The following EIF3A variants were observed in gnomAD, a reference collection of about 807,000 sequenced individuals.
The protein encoded by EIF3A is eukaryotic translation initiation factor 3 subunit A.
Under a neutral mutation model 186.6 loss-of-function variants are expected in EIF3A, and 21 were observed. The observed-to-expected ratio is 0.11, with a 90% CI of 0.08 to 0.16. The LOEUF is 0.16. Ranked by LOEUF, EIF3A falls within the 10% of genes least tolerant of loss-of-function variation. The probability of loss-of-function intolerance (pLI) is 1.00; values close to 1 mark genes in which losing one functional copy is unlikely to be tolerated. For missense variants in EIF3A, 1,306 were observed against 1,796.3 expected (o/e 0.73, Z 4.93); for synonymous variants, 563 against 584.3 (o/e 0.96, Z 0.52).
chr10:119,066,499 G>A (rs1179313046), intron 6 of EIF3A, among the ~76,000 whole-genome samples: 4 of 64,616 alleles, frequency 6.2e-5, no homozygotes, highest in African/African-American at 2.9e-4. Flanking sequence ...GCAGAGTTAA[G>A]ACTGTCAAAA....
In EIF3A at chr10:119,044,101, T is replaced by C; in HGVS notation, c.2700A>G (p.Arg900=). ...ACTCAGAATCTGCTTCAGGTCCTTT[T>C]CTCCAGGTGCCTTCTGAATCTCTAT... ...WGDRDSEGTW[R]KGPEADSEWR... is the part of the protein sequence containing the mutation. The change falls in exon 18 of 22, where the codon AGA becomes AGG. Residue 900 remains arginine, a synonymous_variant. Transcript: ENST00000369144. The C allele has an allele frequency of 6.2e-7, 1 of 1,614,130 alleles. No homozygotes were observed. The highest frequency in any genetic ancestry group is 8.5e-7 in the Non-Finnish European group (1 of 1,179,972).
Position 119,042,007 on chromosome 10 carries a change from T to A in EIF3A, c.3513A>T (p.Pro1171=). ...GDDSRPGPWR[P]LVKPGGWREK... is the part of the protein sequence containing the mutation. Reference sequence around the variant, plus strand: ...ATAGAATTTTACCTGGCTTGACTAATGGTCTCCAAGGACCAGGTCTTGAGT... The same window carrying A: ...ATAGAATTTTACCTGGCTTGACTAAAGGTCTCCAAGGACCAGGTCTTGAGT... Residue 1171 remains proline, a synonymous_variant, in exon 19 of 22, where the codon CCA becomes CCT. Coordinates refer to ENST00000369144, the MANE Select transcript of EIF3A (RefSeq NM_003750.4). This position sits in a 1 kb window ranked among gnomAD's most constrained non-coding sequence, Gnocchi z 7.8. 6.2e-7 allele frequency: 1 copy of A among 1,614,114 alleles called. No individual in the cohort carries two copies. Among genetic ancestry groups the A allele is most frequent in the Non-Finnish European group, 8.5e-7 (1 of 1,179,972 alleles).
chr10:119,059,420 G>A (rs750362752), intron 10 of EIF3A, 23 bp from the exon 11 acceptor site: 15 of 1,506,616 alleles, frequency 1.0e-5, no homozygotes, highest in South Asian at 8.9e-5. Context: ...AATTATCAAT[G>A]GTTAAATCCA....
chr10:119,052,374 G>GTGTGTA (rs1465862491), intron 14 of EIF3A, among the ~76,000 whole-genome samples: 2 of 147,772 alleles, frequency 1.4e-5, no homozygotes, highest in African/African-American at 5.0e-5. Context: ...GGTTTTGTGT[G>GTGTGTA]TGTGTGTGTG....
chr10:119,074,442 G>A (rs913841880), intron 1 of EIF3A, among the ~76,000 whole-genome samples: 5 of 150,182 alleles, frequency 3.3e-5, no homozygotes, highest in South Asian at 4.2e-4. Flanking sequence ...TCCAGCCTGG[G>A]TGACAAGAGC....
chr10:119,054,666 G>A (rs1299838642), intron 14 of EIF3A, among the ~76,000 whole-genome samples: 1 of 151,330 alleles, frequency 6.6e-6, no homozygotes, highest in Non-Finnish European at 1.5e-5. Context: ...GGCGGAGGCT[G>A]CAGTGGGCTG....
intron 7 of EIF3A, among the ~76,000 whole-genome samples, chr10:119,062,109 A>C (rs1468107146): frequency 6.6e-6 from 1 of 152,116 alleles, no homozygotes; most frequent in African/African-American, 2.4e-5. Flanking sequence ...ACATTCTAAC[A>C]CTTCCTCCTT....
chr10:119,068,630 C>G (rs1466857884), intron 6 of EIF3A, among the ~76,000 whole-genome samples: 1 of 151,886 alleles, frequency 6.6e-6, no homozygotes, highest in Non-Finnish European at 1.5e-5. Flanking sequence ...CATCATTGCA[C>G]TCCAGCCTGG....
intron 6 of EIF3A, among the ~76,000 whole-genome samples, chr10:119,067,062 A>G (rs1328960944): frequency 6.6e-6 from 1 of 152,018 alleles, no homozygotes; most frequent in Non-Finnish European, 1.5e-5. Flanking sequence ...AAAATACAAA[A>G]AAAATTAGCC....
intron 1 of EIF3A, among the ~76,000 whole-genome samples, chr10:119,077,846 C>T (rs977456255): frequency 1.8e-4 from 28 of 152,158 alleles, no homozygotes; most frequent in Non-Finnish European, 2.9e-4. Context: ...AGCCACCACG[C>T]CCGGCCTCCT....
At chr10:119,055,525 G>A (rs1848413583) in intron 14 of EIF3A, among the ~76,000 whole-genome samples, 1 of 152,030 alleles carries the variant, frequency 6.6e-6, no homozygotes, top group Non-Finnish European at 1.5e-5. Context: ...CTCAATGCAA[G>A]GTTACCACAA....
At chr10:119,080,559 C>A in intron 1 of EIF3A, 69 bp downstream of exon 1, 1 of 1,514,612 alleles carries the variant, frequency 6.6e-7, no homozygotes. Flanking sequence ...CAGTGGGAAG[C>A]AGGCCCGCGC....
At chr10:119,048,094 C>T (rs553473239) in intron 17 of EIF3A, among the ~76,000 whole-genome samples, 43 of 151,962 alleles carry the variant, frequency 2.8e-4, no homozygotes, top group African/African-American at 9.7e-4. Flanking sequence ...ACTGATGAAA[C>T]GGCAGCAACA....
chr10:119,045,521 C>CT (rs1284951189), intron 17 of EIF3A, among the ~76,000 whole-genome samples: 16 of 152,324 alleles, frequency 1.1e-4, no homozygotes, highest in South Asian at 8.3e-4. Context: ...TCTCCCACCC[C>CT]CATGCCTGCT....
Position 119,070,895 on chromosome 10 carries a change from T to C in EIF3A, c.732A>G (p.Glu244=), listed in dbSNP as rs753600880. 4.3e-6 allele frequency: 7 copies of C among 1,611,646 alleles called. No homozygotes were observed. The Admixed American group carries it at 1.2e-4, about 27-fold the overall frequency. The change falls in exon 5 of 22, where the codon GAA becomes GAG. Residue 244 remains glutamate, a synonymous_variant. Transcript: ENST00000369144. ...AATAGCTCCAACATACCTGCCACAA[T>C]TCCATGCTGATAGCACTGTCCAGCT... The part of the protein sequence containing the change: ...LVQLDSAISM[E]LWQEAFKAVE...
chr10:119,059,184 G>A, intron 11 of EIF3A, 28 bp downstream of exon 11: 2 of 1,597,730 alleles, frequency 1.3e-6, no homozygotes, highest in Non-Finnish European at 1.7e-6. Context: ...AAAACTTCTG[G>A]GATTTATTTC....
At chr10:119,062,713 A>T (rs1450989702) in intron 7 of EIF3A, among the ~76,000 whole-genome samples, 1 of 147,718 alleles carries the variant, frequency 6.8e-6, no homozygotes, top group Non-Finnish European at 1.5e-5. Flanking sequence ...AACATATTGC[A>T]GTATATTAAA....
intron 14 of EIF3A, among the ~76,000 whole-genome samples, chr10:119,055,560 TAAG>T (rs1332975022): frequency 6.6e-6 from 1 of 151,528 alleles, no homozygotes; most frequent in Non-Finnish European, 1.5e-5. Flanking sequence ...AAAGAAGAAA[TAAG>T]AATAAAAATA....
At chr10:119,077,450 C>CAAAT (rs776830200) in intron 1 of EIF3A, among the ~76,000 whole-genome samples, 3 of 151,848 alleles carry the variant, frequency 2.0e-5, no homozygotes, top group South Asian at 2.1e-4. Context: ...GATTCTGTCT[C>CAAAT]AAATAAATAA....
Sources: gnomAD v4.1 joint callset for allele counts (sites outside exome capture counted in the v4.1 genomes callset) on GRCh38, gnomAD v4.1.1 for gene constraint, Gnocchi (gnomAD v3.1) non-coding constraint, MANE v1.5 for transcripts, NCBI Gene and HGNC (gene_info 2026-07-23, HGNC 2026-07-21) for gene names.